Variants in ULK4 observed in about 807,000 individuals in gnomAD.
ULK4 encodes unc-51 like kinase 4, also known as inactive serine/threonine-protein kinase ULK4.
Under a neutral mutation model 160.6 loss-of-function variants are expected in ULK4, and 133 were observed. That is an observed-to-expected ratio of 0.83 (90% CI 0.72 to 0.96). ULK4 has a LOEUF of 0.96. Among genes scored for constraint, ULK4 ranks in the 40% least tolerant of loss-of-function variants. ULK4 has a pLI of 0.00. For synonymous variants in ULK4, 534 were observed against 539.8 expected (o/e 0.99, Z 0.15); for missense variants, 1,580 against 1,499.5 (o/e 1.05, Z -0.89).
chr3:41,803,737 T>C (rs916554085), intron 19 of ULK4, among the ~76,000 whole-genome samples: 1 of 152,124 alleles, frequency 6.6e-6, no homozygotes, highest in African/African-American at 2.4e-5. Context: ...CATGCGGTGT[T>C]TGGTTTTTTG....
chr3:41,642,809 G>C (rs562509451), intron 30 of ULK4, among the ~76,000 whole-genome samples: 3 of 152,346 alleles, frequency 2.0e-5, no homozygotes, highest in East Asian at 1.9e-4. Flanking sequence ...CCCACCAACA[G>C]TGTAAAAGTG....
intron 35 of ULK4, among the ~76,000 whole-genome samples, chr3:41,385,194 C>T (rs1348900806): frequency 6.6e-6 from 1 of 152,140 alleles, no homozygotes; most frequent in African/African-American, 2.4e-5. Flanking sequence ...ATACATACAA[C>T]AGAAATATGG....
intron 35 of ULK4, among the ~76,000 whole-genome samples, chr3:41,374,003 A>G (rs1209256055): frequency 6.6e-6 from 1 of 152,224 alleles, no homozygotes; most frequent in East Asian, 1.9e-4. Context: ...AGAATACTAT[A>G]AACACCTCTA....
intron 17 of ULK4, among the ~76,000 whole-genome samples, chr3:41,868,007 T>C (rs1690982689): frequency 6.6e-6 from 1 of 152,230 alleles, no homozygotes. Flanking sequence ...TTCAATACTT[T>C]GTTATAAAGA....
intron 18 of ULK4, among the ~76,000 whole-genome samples, chr3:41,821,536 C>T (rs956417781): frequency 6.6e-6 from 1 of 152,176 alleles, no homozygotes; most frequent in African/African-American, 2.4e-5. Context: ...CAGGTTCCTC[C>T]ATTCCTGTCC....
intron 21 of ULK4, among the ~76,000 whole-genome samples, chr3:41,768,448 T>C (rs528479500): frequency 6.6e-6 from 1 of 152,146 alleles, no homozygotes; most frequent in Non-Finnish European, 1.5e-5. Flanking sequence ...AGGTTTGAAA[T>C]GGTCATGTAG....
intron 35 of ULK4, among the ~76,000 whole-genome samples, chr3:41,261,494 G>A (rs2078941374): frequency 6.6e-6 from 1 of 152,096 alleles, no homozygotes; most frequent in African/African-American, 2.4e-5. Context: ...CTGCCACTAA[G>A]TACCTGGCAA....
intron 21 of ULK4, among the ~76,000 whole-genome samples, chr3:41,787,843 T>C (rs1035789814): frequency 1.3e-5 from 2 of 152,224 alleles, no homozygotes; most frequent in Non-Finnish European, 2.9e-5. Context: ...AGTAGTTATA[T>C]ATGATAAATA....
chr3:41,863,951 T>C (rs1007858369), intron 17 of ULK4, among the ~76,000 whole-genome samples: 5 of 152,040 alleles, frequency 3.3e-5, no homozygotes, highest in African/African-American at 1.2e-4. Context: ...CTGCCCCAGC[T>C]GGCATCTCAG....
intron 31 of ULK4, among the ~76,000 whole-genome samples, chr3:41,569,823 C>T (rs896746214): frequency 2.0e-5 from 3 of 151,908 alleles, no homozygotes; most frequent in Non-Finnish European, 2.9e-5. Flanking sequence ...GAATGACTAA[C>T]GAATTTCCCA....
intron 35 of ULK4, among the ~76,000 whole-genome samples, chr3:41,310,654 A>G (rs1199426296): frequency 6.6e-6 from 1 of 152,232 alleles, no homozygotes; most frequent in African/African-American, 2.4e-5. Context: ...TATCAAAAGC[A>G]TAAAAACAGA....
chr3:41,580,612 G>A (rs17058967), intron 31 of ULK4, among the ~76,000 whole-genome samples: 14,787 of 152,110 alleles, frequency 0.097, 2,440 homozygotes, highest in African/African-American at 0.34. Context: ...ACTTTAGGCA[G>A]ATGGAAACAT....
At chr3:41,961,422 A>T (rs2030432) in intron 1 of ULK4, among the ~76,000 whole-genome samples, 1 of 152,018 alleles carries the variant, frequency 6.6e-6, no homozygotes, top group Admixed American at 6.6e-5. Flanking sequence ...AGTCTGCGAA[A>T]TGCCAGCCAA....
At chr3:41,283,860 G>C (rs1414896291) in intron 35 of ULK4, among the ~76,000 whole-genome samples, 1 of 151,120 alleles carries the variant, frequency 6.6e-6, no homozygotes, top group Non-Finnish European at 1.5e-5. Flanking sequence ...ATTCAGCAAA[G>C]TTTCTGGATA....
In ULK4 at chr3:41,246,903, C is replaced by A. The variant is rs761363601; in HGVS notation, c.*26G>T. The A allele has an allele frequency of 5.0e-6, 8 of 1,611,066 alleles. No individual in the cohort carries two copies. Among genetic ancestry groups the A allele is most frequent in the Non-Finnish European group, 5.9e-6 (7 of 1,178,882 alleles). On this transcript the variant is annotated 3_prime_UTR_variant, in exon 37 of 37. Coordinates refer to ENST00000301831, the MANE Select transcript of ULK4 (RefSeq NM_017886.4). ...GCATCCGAGGGCTGGGGCCACAGGG[C>A]GGGCTTGTGCTAAGCACCTTCTTGC...
At chr3:41,712,062 C>G (rs1429884913) in intron 25 of ULK4, among the ~76,000 whole-genome samples, 1 of 152,144 alleles carries the variant, frequency 6.6e-6, no homozygotes, top group East Asian at 1.9e-4. Flanking sequence ...TGAATTGTTT[C>G]CAAATGCTAG....
rs1575984830 is a variant in ULK4 at position 41,938,219 on chromosome 3, A to G, written c.139-22T>C. ...GGACCTATAAAAACACAGAGCAATC[A>G]CTCTAAAAAGAAATTCCTAAAACTC... On this transcript the variant is annotated intron_variant, in intron 2 of 36. Coordinates refer to ENST00000301831, the MANE Select transcript of ULK4 (RefSeq NM_017886.4). The G allele has an allele frequency of 2.5e-6, 4 of 1,590,256 alleles. 1 individual carries two copies. The highest frequency in any genetic ancestry group is 1.7e-6 in the Non-Finnish European group (2 of 1,165,832).
chr3:41,715,563 T>C lies in ULK4; in HGVS notation c.2461A>G (p.Ile821Val), dbSNP rs751099860. 6.2e-6 allele frequency: 10 copies of C among 1,614,000 alleles called. No homozygotes were observed. The East Asian group carries it at 1.8e-4, about 29-fold the overall frequency. The change falls in exon 24 of 37, where the codon ATT becomes GTT. Residue 821 changes from isoleucine (I) to valine (V), a missense_variant. Physicochemically the swap from Ile to Val is conservative, Grantham distance 29 (BLOSUM62 3). Transcript: ENST00000301831. ...VQELPRILGD[I>V]LNSLANVSGR... is the part of the protein sequence containing the mutation. Reference sequence around the variant, plus strand: ...GAAACATTAGCCAAGGAGTTAAGAATGTCACCTGTGAAGCACAGCCCAGAG... The same window carrying C: ...GAAACATTAGCCAAGGAGTTAAGAACGTCACCTGTGAAGCACAGCCCAGAG...
chr3:41,557,004 G>A (rs920061167), intron 32 of ULK4, among the ~76,000 whole-genome samples: 2 of 152,030 alleles, frequency 1.3e-5, no homozygotes, highest in African/African-American at 4.8e-5. Flanking sequence ...AAGAACTAAA[G>A]TAGCACAATT....
Sources: allele counts gnomAD v4.1 joint callset (sites outside exome capture counted in the v4.1 genomes callset), GRCh38; gene constraint gnomAD v4.1.1; transcripts MANE v1.5; gene names NCBI Gene and HGNC (gene_info 2026-07-23, HGNC 2026-07-21).